CATSPER1: variants seen among roughly 807,000 people sequenced by gnomAD.
The protein encoded by CATSPER1 is cation channel sperm associated 1, also known as cation channel sperm-associated protein 1.
Under a neutral mutation model 72.7 loss-of-function variants are expected in CATSPER1, and 57 were observed. That is an observed-to-expected ratio of 0.78 (90% CI 0.63 to 0.98). The LOEUF is 0.98. CATSPER1 is among the 50% of genes least tolerant of loss of function. The pLI is 0.00. For missense variants in CATSPER1, 910 were observed against 1,033.9 expected (o/e 0.88, Z 1.64); for synonymous variants, 363 against 403.0 (o/e 0.90, Z 1.19).
intron 10 of CATSPER1, 182 bp downstream of exon 10, chr11:66,018,645 C>A (rs1483239863): frequency 3.1e-6 from 2 of 641,160 alleles, no homozygotes; most frequent in Non-Finnish European, 5.5e-6. Context: ...GTGGCACACA[C>A]ACCTCTGGAT....
chr11:66,019,757 AAAC>A (rs1175984815), intron 9 of CATSPER1, among the ~76,000 whole-genome samples: 3 of 151,626 alleles, frequency 2.0e-5, no homozygotes, highest in Non-Finnish European at 4.4e-5. Context: ...ACACACAAAA[AAAC>A]AACAACATTA....
Position 66,020,161 on chromosome 11 carries a change from G to T in CATSPER1, c.2104C>A (p.Leu702Met), listed in dbSNP as rs1044536960. The change falls in exon 9 of 12, where the codon CTG (leucine) becomes ATG (methionine). Residue 702 changes from leucine (L) to methionine (M), a missense_variant. Leu to Met is a conservative substitution (Grantham distance 15). Coordinates refer to ENST00000312106, the MANE Select transcript of CATSPER1 (RefSeq NM_053054.4). The surrounding 1 kb of genome is among the most constrained non-coding windows in gnomAD (Gnocchi z 4.5). ...ATACCTGCAGCTCTGAGCTCCGTCAGTGAGTCTTCCAGCAGCTTCTCTTGG... is the reference window on the plus strand; with the variant it reads ...ATACCTGCAGCTCTGAGCTCCGTCATTGAGTCTTCCAGCAGCTTCTCTTGG... ...RIQEKLLEDS[L>M]TELRAAEPKE... 3 of 1,613,260 alleles carry T rather than the reference G, an allele frequency of 1.9e-6. No individual in the cohort carries two copies. The African/African-American group carries it at 4.0e-5, about 22-fold the overall frequency.
chr11:66,019,682 G>A lies in CATSPER1; in HGVS notation c.2125+458C>T, dbSNP rs899227037. Among the ~76,000 whole-genome samples, 30 of 151,872 alleles carry A rather than the reference G, an allele frequency of 2.0e-4. 1 individual carries two copies. The highest frequency in any genetic ancestry group is 7.0e-4 in the African/African-American group (29 of 41,382). ...AGGTGGGAGGATCATCTGAGGTCAGGAGTTCCAGTTTGAAACCAGCCTGGC... is the reference window on the plus strand; with the variant it reads ...AGGTGGGAGGATCATCTGAGGTCAGAAGTTCCAGTTTGAAACCAGCCTGGC... On this transcript the variant is annotated intron_variant, in intron 9 of 11. Coordinates refer to ENST00000312106, the MANE Select transcript of CATSPER1 (RefSeq NM_053054.4).
Position 66,021,581 on chromosome 11 carries a change from T to C in CATSPER1, c.1606A>G (p.Ile536Val), listed in dbSNP as rs1311683374. 1.2e-6 allele frequency: 2 copies of C among 1,613,048 alleles called. No individual in the cohort carries two copies. The highest frequency in any genetic ancestry group is 1.1e-5 in the South Asian group (1 of 90,830). The stretch of plus-strand genomic sequence containing the variant: ...ATCCGGAAGAGGCTTTGGTGGTAGA[T>C]GGCGAAGGAGTGGGTCTGCATCAGC... Reference protein sequence around the residue: ...FLLMQTHSFAIYHQSLFRILK... With the variant: ...FLLMQTHSFAVYHQSLFRILK... Residue 536 changes from isoleucine to valine, a missense_variant, in exon 4 of 12, where the codon ATC becomes GTC. Coordinates refer to ENST00000312106, the MANE Select transcript of CATSPER1 (RefSeq NM_053054.4).
Position 66,025,221 on chromosome 11 carries a change from A to C in CATSPER1, c.1159T>G (p.Ser387Ala). The C allele has an allele frequency of 1.2e-6, 2 of 1,614,078 alleles. No homozygotes were observed. Among genetic ancestry groups the C allele is most frequent in the Non-Finnish European group, 1.7e-6 (2 of 1,180,024 alleles). The change falls in exon 1 of 12, where the codon TCC becomes GCC. Residue 387 changes from serine (S) to alanine (A), a missense_variant. Coordinates refer to ENST00000312106, the MANE Select transcript of CATSPER1 (RefSeq NM_053054.4). The part of the protein sequence containing the change: ...MSKKVHTQDI[S>A]TKHSEDWGKE... ...CCCCAGTCTTCTGAATGTTTGGTGG[A>C]GATATCCTGGGTATGGACTTTTTTG... is the stretch of plus-strand genomic sequence containing the variant.
At chr11:66,017,457 C>T (rs184729808) in intron 10 of CATSPER1, among the ~76,000 whole-genome samples, 1 of 151,926 alleles carries the variant, frequency 6.6e-6, no homozygotes, top group East Asian at 1.9e-4. Context: ...CCCACTCGAC[C>T]ATCCACCCAT....
rs1158908336 is a variant in CATSPER1, at chr11:66,016,826, T to A, written c.*64A>T. 1.3e-6 allele frequency: 2 copies of A among 1,565,070 alleles called. No individual in the cohort carries two copies. Among genetic ancestry groups the A allele is most frequent in the Non-Finnish European group, 1.7e-6 (2 of 1,146,734 alleles). On this transcript the variant is annotated 3_prime_UTR_variant, in exon 12 of 12. Transcript: ENST00000312106. ...TCATTCCAGCAGATCTGGGGACCCG[T>A]CCCAGTGCACCCAGGTGGGCAGACT...
At chr11:66,019,018 G>GAAGCAACCTCCTGGA in intron 9 of CATSPER1, 116 bp from the exon 10 acceptor site, 1 of 862,806 alleles carries the variant, frequency 1.2e-6, no homozygotes, top group Non-Finnish European at 1.9e-6. Flanking sequence ...TGCTCCAGGA[G>GAAGCAACCTCCTGGA]GTTGCTTCTC....
chr11:66,023,281 G>A (rs1280258728), intron 1 of CATSPER1, among the ~76,000 whole-genome samples: 3 of 152,184 alleles, frequency 2.0e-5, no homozygotes, highest in African/African-American at 7.2e-5. Flanking sequence ...GTAGAAACAG[G>A]GTTTCAACAT....
At chr11:66,023,165 G>C in intron 1 of CATSPER1, 104 bp from the exon 2 acceptor site, 5 of 1,121,802 alleles carry the variant, frequency 4.5e-6, no homozygotes, top group Non-Finnish European at 6.7e-6. Flanking sequence ...CTGCCTGCTT[G>C]CTGGCCCTCT....
In CATSPER1 at chr11:66,017,193, G is replaced by GGGGGGGGGGC; in HGVS notation, c.2202-20_2202-19insGCCCCCCCCC. The GGGGGGGGGGC allele has an allele frequency of 2.0e-5, 10 of 493,758 alleles. No individual in the cohort carries two copies. The highest frequency in any genetic ancestry group is 4.0e-5 in the Non-Finnish European group (10 of 252,582). 30.6% of individuals were successfully genotyped at this position (493,758 alleles called of 1,614,324 possible). The stretch of plus-strand genomic sequence containing the variant: ...CTGCTGCCTGCGGGTGGGCGGGGGG[G>GGGGGGGGGGC]TCGCAGAGACAGGGGCTGGGCTGAC... On this transcript the variant is annotated intron_variant, in intron 10 of 11. Transcript: ENST00000312106.
intron 3 of CATSPER1, 57 bp downstream of exon 3, chr11:66,021,709 C>G: frequency 6.2e-7 from 1 of 1,612,976 alleles, no homozygotes; most frequent in Non-Finnish European, 8.5e-7. Context: ...CCATCCTTCT[C>G]TCGTCCCGAG....
In CATSPER1 at chr11:66,025,791, A is replaced by G. The variant is rs1288803513; in HGVS notation, c.589T>C (p.Ser197Pro). The G allele has an allele frequency of 3.5e-5, 57 of 1,612,976 alleles. No individual in the cohort carries two copies. Among genetic ancestry groups the G allele is most frequent in the Non-Finnish European group, 4.7e-5 (56 of 1,179,534 alleles). Residue 197 changes from serine (S) to proline (P), a missense_variant, in exon 1 of 12, where the codon TCC becomes CCC. Ser to Pro is a moderately conservative substitution (Grantham distance 74). Coordinates refer to ENST00000312106, the MANE Select transcript of CATSPER1 (RefSeq NM_053054.4). ...YSESFHHSEA[S>P]HLSGLQHDES... ...TCGTGTTGGAGCCCGCTAAGGTGGG[A>G]AGCCTCGCTGTGGTGGAAGGACTCA... is the stretch of plus-strand genomic sequence containing the variant.
At chr11:66,023,492 G>C (rs1291112067) in intron 1 of CATSPER1, among the ~76,000 whole-genome samples, 1 of 152,154 alleles carries the variant, frequency 6.6e-6, no homozygotes, top group African/African-American at 2.4e-5. Context: ...TCCAGCTCTG[G>C]GTAAGCAGCT....
chr11:66,025,761 A>G lies in CATSPER1; in HGVS notation c.619T>C (p.Ser207Pro), dbSNP rs1036977930. 7 of 1,611,048 alleles carry G rather than the reference A, an allele frequency of 4.3e-6. No homozygotes were observed. The Middle Eastern group carries it at 5.0e-4, about 114-fold the overall frequency. ...SHLSGLQHDESQHHQVPHRGW... is the reference protein window; with the variant it reads ...SHLSGLQHDEPQHHQVPHRGW... ...CGGTGGGGGACTTGGTGATGCTGGG[A>G]CTCATCGTGTTGGAGCCCGCTAAGG... Residue 207 changes from serine to proline, a missense_variant, in exon 1 of 12, where the codon TCC becomes CCC. By Grantham distance (74) the Ser-to-Pro change is moderately conservative (BLOSUM62 -1). Coordinates refer to ENST00000312106, the MANE Select transcript of CATSPER1 (RefSeq NM_053054.4).
chr11:66,020,581 C>G lies in CATSPER1; in HGVS notation c.1974G>C (p.Gln658His), dbSNP rs1191054016. The change falls in exon 7 of 12, where the codon CAG becomes CAC. Residue 658 changes from glutamine to histidine, a missense_variant. Coordinates refer to ENST00000312106, the MANE Select transcript of CATSPER1 (RefSeq NM_053054.4). This position sits in a 1 kb window ranked among gnomAD's most constrained non-coding sequence, Gnocchi z 4.5. ...IPILVIYIII[Q>H]YFIFLNLVIT... Reference sequence around the variant, plus strand: ...GTCCTCACTTGAGGAAGATGAAGTACTGGATGATGATGTAAATTACGAGGA... The same window carrying G: ...GTCCTCACTTGAGGAAGATGAAGTAGTGGATGATGATGTAAATTACGAGGA... The G allele has an allele frequency of 2.5e-6, 4 of 1,612,138 alleles. No homozygotes were observed. The highest frequency in any genetic ancestry group is 1.3e-5 in the African/African-American group (1 of 74,874).
intron 10 of CATSPER1, 79 bp downstream of exon 10, chr11:66,018,748 C>G: frequency 2.8e-6 from 4 of 1,452,062 alleles, no homozygotes; most frequent in Admixed American, 3.4e-5. Context: ...AGGCAATGTC[C>G]CTTTCCCTCC....
At chr11:66,022,570 G>T (rs1343358287) in intron 2 of CATSPER1, among the ~76,000 whole-genome samples, 1 of 152,188 alleles carries the variant, frequency 6.6e-6, no homozygotes, top group African/African-American at 2.4e-5. Flanking sequence ...GGCTCCAGGC[G>T]CCCGCCCGCC....
chr11:66,023,146 T>C, intron 1 of CATSPER1, 85 bp from the exon 2 acceptor site: 1 of 1,256,442 alleles, frequency 8.0e-7, no homozygotes, highest in Non-Finnish European at 1.2e-6. Flanking sequence ...TCAGCGTCCA[T>C]GGTCACTCCT....
Sources: allele counts gnomAD v4.1 joint callset (sites outside exome capture counted in the v4.1 genomes callset), GRCh38; gene constraint gnomAD v4.1.1; non-coding constraint Gnocchi (gnomAD v3.1); transcripts MANE v1.5; gene names NCBI Gene and HGNC (gene_info 2026-07-23, HGNC 2026-07-21).